Variants in BST1 observed in about 807,000 individuals in gnomAD.
BST1 encodes the protein ADP-ribosyl cyclase/cyclic ADP-ribose hydrolase 2.
A neutral mutation model predicts 40.6 loss-of-function variants in BST1; 49 were observed. The ratio of observed to expected loss-of-function variants is 1.21; its 90% CI spans 0.96 to 1.53. The LOEUF is 1.53. BST1 is among the 40% of genes most tolerant of loss of function. The pLI is 0.00. For missense variants in BST1, 423 were observed against 395.9 expected (o/e 1.07, Z -0.58); for synonymous variants, 157 against 159.3 (o/e 0.99, Z 0.11).
At chr4:15,734,942 C>T (rs1350815891), downstream of BST1, among the ~76,000 whole-genome samples, 1 of 152,136 alleles carries the variant, frequency 6.6e-6, no homozygotes, top group Non-Finnish European at 1.5e-5. Context: ...GAATGAAATC[C>T]ATGAAAACCT....
intron 1 of BST1, chr4:15,704,790 A>T: frequency 1.5e-6 from 1 of 674,550 alleles, no homozygotes; most frequent in South Asian, 1.6e-5. Flanking sequence ...AATCTGGAGG[A>T]TTTCTGAAGT....
At chr4:15,728,937 T>C (rs887166839) in intron 8 of BST1, among the ~76,000 whole-genome samples, 1 of 152,142 alleles carries the variant, frequency 6.6e-6, no homozygotes, top group South Asian at 2.1e-4. Context: ...TGAACCACCA[T>C]GCTCAGCCAA....
At chr4:15,729,332 T>G (rs1721270389) in intron 8 of BST1, among the ~76,000 whole-genome samples, 1 of 152,074 alleles carries the variant, frequency 6.6e-6, no homozygotes, top group Non-Finnish European at 1.5e-5. Context: ...GGTGTGCACC[T>G]ATGGTCCCAG....
At chr4:15,765,428 G>A in the BST1 span, among the ~76,000 whole-genome samples, 744 of 151,958 alleles carry the variant, frequency 4.9e-3, 15 homozygotes, top group African/African-American at 0.017. Context: ...AAATGGCCTC[G>A]TTGCTTCTGT....
Position 15,715,323 on chromosome 4 carries a change from G to A in BST1, c.573G>A (p.Leu191=). 1 of 1,614,138 alleles carries A rather than the reference G, an allele frequency of 6.2e-7. No individual in the cohort carries two copies. ...GTTCTGGGGTGATCCACGTCATGCT[G>A]AATGGTTCAGAGCCAACAGGAGCCT... The part of the protein sequence containing the change: ...KDSSGVIHVM[L]NGSEPTGAYP... The change falls in exon 5 of 9, where the codon CTG becomes CTA. Residue 191 remains leucine (L), a synonymous_variant. Coordinates refer to ENST00000265016, the MANE Select transcript of BST1 (RefSeq NM_004334.3).
At chr4:15,722,491 G>A (rs1387366522) in intron 7 of BST1, among the ~76,000 whole-genome samples, 10 of 151,920 alleles carry the variant, frequency 6.6e-5, no homozygotes, top group Middle Eastern at 3.2e-3. Flanking sequence ...GCAGTGGTGC[G>A]ATCATAGCTC....
intron 8 of BST1, among the ~76,000 whole-genome samples, chr4:15,726,869 ATTTT>A (rs58317518): frequency 7.7e-5 from 10 of 129,610 alleles, no homozygotes; most frequent in East Asian, 4.5e-4. Context: ...TTTCCTCGGT[ATTTT>A]TTTTTTTTTT....
chr4:15,742,727 G>A (rs1209482453), downstream of BST1, among the ~76,000 whole-genome samples: 2 of 152,242 alleles, frequency 1.3e-5, no homozygotes, highest in African/African-American at 2.4e-5. Flanking sequence ...TTGAGTTAGG[G>A]ATGGCAGGAA....
Position 15,732,311 on chromosome 4 carries a change from A to G in BST1, c.*466A>G, listed in dbSNP as rs566540089. ...TCATTTATTTGGTATAAAGATGTTCAGTTAATGGTTCCTTTTTGTTTTGAG... is the reference window on the plus strand; with the variant it reads ...TCATTTATTTGGTATAAAGATGTTCGGTTAATGGTTCCTTTTTGTTTTGAG... On this transcript the variant is annotated 3_prime_UTR_variant, in exon 9 of 9. Transcript: ENST00000265016. 194 of 196,124 alleles carry G rather than the reference A, an allele frequency of 9.9e-4. 7 individuals are homozygous for G. Among genetic ancestry groups the G allele is most frequent in the South Asian group, 2.6e-3 (15 of 5,668 alleles). The allele number at this position is 196,124 out of a possible 1,614,324, so 12.1% of individuals were successfully genotyped here.
chr4:15,722,592 ATTT>A (rs1012036868), intron 7 of BST1, among the ~76,000 whole-genome samples: 3 of 120,290 alleles, frequency 2.5e-5, no homozygotes, highest in Admixed American at 8.6e-5. Context: ...TAATTTTTAG[ATTT>A]TTTTTTTTTT....
chr4:15,738,633 G>T (rs1401561234), downstream of BST1, among the ~76,000 whole-genome samples: 1 of 152,228 alleles, frequency 6.6e-6, no homozygotes, highest in African/African-American at 2.4e-5. Flanking sequence ...CCACACGTTA[G>T]CCAGCTGATA....
Position 15,707,617 on chromosome 4 carries a change from TG to T in BST1, c.423del (p.Ser142AlafsTer45). The T allele has an allele frequency of 6.2e-7, 1 of 1,613,994 alleles. No individual in the cohort carries two copies. Among genetic ancestry groups the T allele is most frequent in the Non-Finnish European group, 8.5e-7 (1 of 1,179,898 alleles). Reference protein sequence around the residue: ...DVLYGRVADFLSWCRQKNDSG... With the variant: ...DVLYGRVADFXSWCRQKNDSG... ...CTGTATGGCAGGGTTGCAGATTTCT[TG>T]AGCTGGTGTCGACAGAAAAATGACT... On this transcript the variant is annotated frameshift_variant, in exon 3 of 9. Transcript: ENST00000265016. LOFTEE classifies it high-confidence loss of function.
the BST1 span, among the ~76,000 whole-genome samples, chr4:15,759,288 T>C: frequency 6.6e-6 from 1 of 151,952 alleles, no homozygotes; most frequent in Admixed American, 6.6e-5. Flanking sequence ...GCTCAAGGGC[T>C]GACTGGTAGA....
the BST1 span, among the ~76,000 whole-genome samples, chr4:15,760,902 C>A: frequency 6.6e-6 from 1 of 150,804 alleles, no homozygotes; most frequent in South Asian, 2.1e-4. Context: ...CACCATGTTG[C>A]CCAGGCTGGT....
At chr4:15,756,896 T>C in the BST1 span, among the ~76,000 whole-genome samples, 6 of 152,208 alleles carry the variant, frequency 3.9e-5, no homozygotes, top group Non-Finnish European at 7.3e-5. Context: ...CTGGCATATT[T>C]CAAGCTGGTT....
At chr4:15,735,619 A>G (rs1356963674), downstream of BST1, among the ~76,000 whole-genome samples, 2 of 152,180 alleles carry the variant, frequency 1.3e-5, no homozygotes, top group East Asian at 3.9e-4. Flanking sequence ...GTACTTAGAG[A>G]AAGAGAAAAG....
the BST1 span, among the ~76,000 whole-genome samples, chr4:15,767,496 G>T: frequency 6.6e-6 from 1 of 151,908 alleles, no homozygotes; most frequent in African/African-American, 2.4e-5. Context: ...GTAGAGACAG[G>T]GTTTCACCAT....
chr4:15,727,388 T>G (rs1285420617), intron 8 of BST1, among the ~76,000 whole-genome samples: 1 of 152,192 alleles, frequency 6.6e-6, no homozygotes, highest in Non-Finnish European at 1.5e-5. Context: ...AAAACTCTCT[T>G]TCACTCTGCC....
intron 8 of BST1, among the ~76,000 whole-genome samples, chr4:15,725,456 G>A (rs1721045879): frequency 6.6e-6 from 1 of 152,106 alleles, no homozygotes; most frequent in Admixed American, 6.5e-5. Context: ...CCTTTCACAG[G>A]AGGTAAAGGA....
Sources: gnomAD v4.1 joint callset for allele counts (sites outside exome capture counted in the v4.1 genomes callset) on GRCh38, gnomAD v4.1.1 for gene constraint, MANE v1.5 for transcripts, NCBI Gene and HGNC (gene_info 2026-07-23, HGNC 2026-07-21) for gene names.